The following DAB1 variants were observed in gnomAD, a reference collection of about 807,000 sequenced individuals.
DAB1 encodes the protein DAB adaptor protein 1.
A neutral mutation model predicts 64.6 loss-of-function variants in DAB1; 15 were observed. The ratio of observed to expected loss-of-function variants is 0.23; its 90% CI spans 0.16 to 0.36. The LOEUF is 0.36. Among genes scored for constraint, DAB1 ranks in the 10% least tolerant of loss-of-function variants. The pLI is 1.00. For synonymous variants in DAB1, 235 were observed against 251.9 expected, an observed-to-expected ratio of 0.93 and a Z score of 0.64; for missense variants, 596 against 706.7, an observed-to-expected ratio of 0.84 and a Z score of 1.78.
chr1:57,264,997 G>A (rs1398187300), intron 2 of DAB1, among the ~76,000 whole-genome samples: 1 of 152,174 alleles, frequency 6.6e-6, no homozygotes. Context: ...AGGAATAGTG[G>A]AGGTTTCACC....
intron 2 of DAB1, among the ~76,000 whole-genome samples, chr1:58,507,937 C>A (rs1228673536): frequency 6.6e-6 from 1 of 152,124 alleles, no homozygotes; most frequent in Non-Finnish European, 1.5e-5. Flanking sequence ...TTTGAATGGA[C>A]TACAAATTCA....
At chr1:58,255,285 T>C (rs1480834496) in intron 4 of DAB1, among the ~76,000 whole-genome samples, 1 of 152,002 alleles carries the variant, frequency 6.6e-6, no homozygotes, top group Non-Finnish European at 1.5e-5. Context: ...GAGTTCATTG[T>C]AGATTCTGGA....
chr1:57,980,940 G>C (rs1646051157), intron 5 of DAB1, among the ~76,000 whole-genome samples: 2 of 150,462 alleles, frequency 1.3e-5, no homozygotes, highest in Admixed American at 1.3e-4. Context: ...CATAGATATA[G>C]ATAGATAAAC....
At chr1:58,314,238 C>T (rs534208906) in intron 4 of DAB1, among the ~76,000 whole-genome samples, 1 of 152,246 alleles carries the variant, frequency 6.6e-6, no homozygotes, top group East Asian at 1.9e-4. Flanking sequence ...GGCCCCAGGA[C>T]ACACTCCAAG....
chr1:57,953,193 T>C (rs1285775989), intron 5 of DAB1, among the ~76,000 whole-genome samples: 2 of 152,218 alleles, frequency 1.3e-5, no homozygotes, highest in East Asian at 1.9e-4. Context: ...CCAGCTTCTT[T>C]ATCTGAAAAA....
chr1:57,996,128 G>A (rs538686810), intron 5 of DAB1, among the ~76,000 whole-genome samples: 40 of 152,142 alleles, frequency 2.6e-4, no homozygotes, highest in East Asian at 1.7e-3. Flanking sequence ...GCATGGTGGC[G>A]GGTGCCTGTA....
chr1:57,844,670 C>T (rs935670454), intron 1 of DAB1, among the ~76,000 whole-genome samples: 6 of 152,184 alleles, frequency 3.9e-5, no homozygotes, highest in African/African-American at 1.4e-4. Flanking sequence ...CTTCATGGGG[C>T]TCCATTGCAT....
chr1:57,246,662 C>G (rs377636067), intron 2 of DAB1, among the ~76,000 whole-genome samples: 10 of 152,176 alleles, frequency 6.6e-5, no homozygotes, highest in Non-Finnish European at 2.9e-5. Flanking sequence ...AATCCACTGA[C>G]AGCTTGCATG....
chr1:58,042,400 A>G (rs1026868010), intron 5 of DAB1, among the ~76,000 whole-genome samples: 4 of 152,210 alleles, frequency 2.6e-5, no homozygotes, highest in Non-Finnish European at 5.9e-5. Context: ...AGACACTGTT[A>G]GACACTAGGA....
In DAB1 at chr1:57,015,238, T is replaced by G; in HGVS notation, c.1089A>C (p.Pro363=). ...CAGTTTGTGTGGGCATGAAGGCGGCTGGCGGAAACTGCCCGGCCACAGTTG... is the reference window on the plus strand; with the variant it reads ...CAGTTTGTGTGGGCATGAAGGCGGCGGGCGGAAACTGCCCGGCCACAGTTG... ...PWPTVAGQFP[P]AAFMPTQTVM... is the part of the protein sequence containing the mutation. Residue 363 remains proline, a synonymous_variant, in exon 12 of 15, where the codon CCA becomes CCC. Coordinates refer to ENST00000371236, the MANE Select transcript of DAB1 (RefSeq NM_001365792.1). The G allele has an allele frequency of 6.2e-7, 1 of 1,614,050 alleles. No homozygotes were observed. The highest frequency in any genetic ancestry group is 8.5e-7 in the Non-Finnish European group (1 of 1,180,010).
chr1:57,847,734 T>G (rs980826345), intron 1 of DAB1, among the ~76,000 whole-genome samples: 1 of 152,118 alleles, frequency 6.6e-6, no homozygotes, highest in Non-Finnish European at 1.5e-5. Flanking sequence ...GAAAAACTCT[T>G]AGAAATGTAA....
chr1:58,368,323 G>A (rs1256703922), intron 3 of DAB1, among the ~76,000 whole-genome samples: 1 of 152,144 alleles, frequency 6.6e-6, no homozygotes, highest in African/African-American at 2.4e-5. Context: ...AGAAATTGCA[G>A]CGACCCCAGC....
chr1:57,951,746 C>T (rs559833582), intron 5 of DAB1, among the ~76,000 whole-genome samples: 2 of 152,154 alleles, frequency 1.3e-5, no homozygotes, highest in Admixed American at 6.6e-5. Context: ...TGGTATCATT[C>T]CCTCCCTTTG....
intron 2 of DAB1, among the ~76,000 whole-genome samples, chr1:57,198,691 C>CACACACACACACACA (rs1557920338): frequency 4.6e-5 from 5 of 109,736 alleles, no homozygotes; most frequent in African/African-American, 1.6e-4. Context: ...ACACACACAC[C>CACACACACACACACA]CATCAACTTT....
At chr1:57,726,940 T>C (rs1210342989) in intron 6 of DAB1, among the ~76,000 whole-genome samples, 1 of 152,180 alleles carries the variant, frequency 6.6e-6, no homozygotes, top group African/African-American at 2.4e-5. Flanking sequence ...AAGCTAAAAA[T>C]GGATAGTGGA....
intron 2 of DAB1, among the ~76,000 whole-genome samples, chr1:58,521,557 A>G (rs866026334): frequency 7.9e-5 from 12 of 152,100 alleles, no homozygotes; most frequent in South Asian, 2.1e-4. Context: ...GACAAAGAGC[A>G]CCAATATTAA....
At chr1:57,978,811 A>C (rs549799917) in intron 5 of DAB1, among the ~76,000 whole-genome samples, 58 of 152,366 alleles carry the variant, frequency 3.8e-4, no homozygotes, top group Admixed American at 2.0e-3. Flanking sequence ...CAGACATATG[A>C]AAAATGCTCA....
intron 7 of DAB1, among the ~76,000 whole-genome samples, chr1:57,457,233 T>C (rs1686629601): frequency 6.6e-6 from 1 of 152,216 alleles, no homozygotes; most frequent in East Asian, 1.9e-4. Context: ...TTCACAAACA[T>C]GTGGTAGACC....
At chr1:57,274,895 T>C (rs1320840048) in intron 2 of DAB1, among the ~76,000 whole-genome samples, 1 of 149,426 alleles carries the variant, frequency 6.7e-6, no homozygotes, top group African/African-American at 2.5e-5. Context: ...TTTTTTTTTT[T>C]TTTTTTAATC....
Sources: allele counts gnomAD v4.1 joint callset (sites outside exome capture counted in the v4.1 genomes callset), GRCh38; gene constraint gnomAD v4.1.1; transcripts MANE v1.5; gene names NCBI Gene and HGNC (gene_info 2026-07-23, HGNC 2026-07-21).